The following METTL25B variants were observed in gnomAD, a reference collection of about 807,000 sequenced individuals.
The protein encoded by METTL25B is methyltransferase-like protein 25B.
A neutral mutation model predicts 48.4 loss-of-function variants in METTL25B; 38 were observed. The ratio of observed to expected loss-of-function variants is 0.78; its 90% confidence interval spans 0.61 to 1.03. The LOEUF (loss-of-function observed/expected upper bound fraction) is 1.03, where lower values mean the gene tolerates loss of function less well. Among genes scored for constraint, METTL25B ranks in the 50% least tolerant of loss-of-function variants. The pLI, the probability that METTL25B is intolerant of heterozygous loss-of-function variation, is 0.00. For missense variants in METTL25B, 537 were observed against 603.7 expected (o/e 0.89, Z 1.16); for synonymous variants, 230 against 254.5 (o/e 0.90, Z 0.92).
In METTL25B at chr1:156,736,821, A is replaced by C. The variant is rs1294672760; in HGVS notation, c.*68A>C. On this transcript the variant is annotated 3_prime_UTR_variant, in exon 8 of 8. Transcript: ENST00000368216. ...CCCAGAGAGCACAGTGGCAGAGTACATCTCATCCAGAGAAACAGCATCCTG... is the reference window on the plus strand; with the variant it reads ...CCCAGAGAGCACAGTGGCAGAGTACCTCTCATCCAGAGAAACAGCATCCTG... 5 of 1,497,620 alleles carry C rather than the reference A, an allele frequency of 3.3e-6. No homozygotes were observed. 92.8% of individuals were successfully genotyped at this position (1,497,620 alleles called of 1,614,324 possible).
chr1:156,736,538 C>A, intron 7 of METTL25B, 94 bp from the exon 8 acceptor site: 1 of 1,458,048 alleles, frequency 6.9e-7, no homozygotes, highest in Admixed American at 1.8e-5. Flanking sequence ...GATCCTCCCC[C>A]ATGGGGAAAA....
In METTL25B at chr1:156,734,023, C is replaced by A. The variant is rs1430953945; in HGVS notation, c.651C>A (p.Ser217Arg). The part of the protein sequence containing the change: ...EKRNPQVVQT[S>R]PRHSPHHVVR... ...TGCTTCCACAGGTGGTCCAAACCAGCCCTCGTCACTCCCCACACCACGTGG... is the reference window on the plus strand; with the variant it reads ...TGCTTCCACAGGTGGTCCAAACCAGACCTCGTCACTCCCCACACCACGTGG... Residue 217 changes from serine to arginine, a missense_variant, in exon 6 of 8, where the codon AGC becomes AGA. Coordinates refer to ENST00000368216, the MANE Select transcript of METTL25B (RefSeq NM_015997.4). 13 of 1,603,128 alleles carry A rather than the reference C, an allele frequency of 8.1e-6. No individual in the cohort carries two copies. The highest frequency in any genetic ancestry group is 1.3e-5 in the African/African-American group (1 of 74,730).
Position 156,732,890 on chromosome 1 carries a change from C to T in METTL25B, c.430-95C>T, listed in dbSNP as rs528928565. ...TCCAGGGCACCCTCTGTCCATCTTT[C>T]TCTGTCATCTTTGTCTCTTCCACTC... On this transcript the variant is annotated intron_variant, in intron 3 of 7. Transcript: ENST00000368216. 1.7e-5 allele frequency: 18 copies of T among 1,075,050 alleles called. No individual in the cohort carries two copies. The African/African-American group carries it at 2.2e-4, about 13-fold the overall frequency. The allele number at this position is 1,075,050 out of a possible 1,614,324, so 66.6% of individuals were successfully genotyped here. A position where few individuals can be genotyped will look rare whatever the true frequency, so the allele number is the denominator to read the frequency against.
intron 1 of METTL25B, among the ~76,000 whole-genome samples, chr1:156,729,906 G>T (rs1649114514): frequency 6.6e-6 from 1 of 152,180 alleles, no homozygotes; most frequent in South Asian, 2.1e-4. Context: ...CAAACCCAGA[G>T]GCCATCATTG....
chr1:156,732,955 C>G (rs750985704), intron 3 of METTL25B, 30 bp from the exon 4 acceptor site: 29 of 1,603,978 alleles, frequency 1.8e-5, no homozygotes, highest in Non-Finnish European at 2.2e-5. Flanking sequence ...TAACCAGTGG[C>G]TAGGAGACCT....
chr1:156,733,004 A>G lies in METTL25B; in HGVS notation c.449A>G (p.Asp150Gly), dbSNP rs889275667. 8.7e-6 allele frequency: 14 copies of G among 1,613,998 alleles called. No individual in the cohort carries two copies. Among genetic ancestry groups the G allele is most frequent in the Middle Eastern group, 1.6e-4 (1 of 6,084 alleles). Residue 150 changes from aspartate to glycine, a missense_variant, in exon 4 of 8, where the codon GAT becomes GGT. Transcript: ENST00000368216. Reference protein sequence around the residue: ...RLGELVKKLSDFTGCTQVVDV... With the variant: ...RLGELVKKLSGFTGCTQVVDV... The stretch of plus-strand genomic sequence containing the variant: ...TTTCAGTTGGTGAAGAAGCTGAGTG[A>G]TTTCACAGGCTGCACCCAGGTTGTA...
At position 156,735,740 on chromosome 1, in the gene METTL25B, G is replaced by T. The variant is rs1443949315; in HGVS notation, c.1137G>T (p.Gly379=). The T allele has an allele frequency of 6.2e-7, 1 of 1,610,332 alleles. No homozygotes were observed. The highest frequency in any genetic ancestry group is 8.5e-7 in the Non-Finnish European group (1 of 1,178,834). Residue 379 remains glycine, a synonymous_variant, in exon 7 of 8, where the codon GGG becomes GGT. Transcript: ENST00000368216. ...GATCCCACAGATATGTGCAGCGGGG[G>T]CTACAGCGAGTGGGGCTAGATCCCC... ...ELKIEEYVQR[G]LQRVGLDPQL...
chr1:156,730,019 C>T (rs1211769270), intron 1 of METTL25B, among the ~76,000 whole-genome samples: 2 of 152,204 alleles, frequency 1.3e-5, no homozygotes, highest in East Asian at 3.8e-4. Context: ...TCCCCACCTC[C>T]GTTGCTGCCA....
intron 1 of METTL25B, among the ~76,000 whole-genome samples, chr1:156,730,586 G>C (rs1649202254): frequency 6.7e-6 from 1 of 150,056 alleles, no homozygotes; most frequent in South Asian, 2.1e-4. Flanking sequence ...TAAAAAAATA[G>C]CTAGGCTTGG....
chr1:156,733,385 C>G lies in METTL25B; in HGVS notation c.501C>G (p.Leu167=). The change falls in exon 5 of 8, where the codon CTC becomes CTG. Residue 167 remains leucine, a synonymous_variant. Coordinates refer to ENST00000368216, the MANE Select transcript of METTL25B (RefSeq NM_015997.4). ...VVDVGSGQGH[L]SRFMALGLGL... ...CCTCCTCGTGACTCCAGGGCCATCTCTCCCGCTTCATGGCTCTTGGCCTGG... is the reference window on the plus strand; with the variant it reads ...CCTCCTCGTGACTCCAGGGCCATCTGTCCCGCTTCATGGCTCTTGGCCTGG... The G allele has an allele frequency of 3.1e-6, 5 of 1,614,150 alleles. No homozygotes were observed. The highest frequency in any genetic ancestry group is 4.2e-6 in the Non-Finnish European group (5 of 1,180,010).
Position 156,732,264 on chromosome 1 carries a change from C to G in METTL25B, c.237-17C>G. ...TGATGGGACTATTCACTGGAGGCCT[C>G]GGCTGGACTATCTCAGGTACAGGTC... On this transcript the variant is annotated splice_polypyrimidine_tract_variant and intron_variant, in intron 2 of 7. Coordinates refer to ENST00000368216, the MANE Select transcript of METTL25B (RefSeq NM_015997.4). The G allele has an allele frequency of 1.2e-6, 2 of 1,613,066 alleles. No individual in the cohort carries two copies. Among genetic ancestry groups the G allele is most frequent in the Non-Finnish European group, 8.5e-7 (1 of 1,179,098 alleles).
chr1:156,730,448 G>C (rs1649180486), intron 1 of METTL25B, among the ~76,000 whole-genome samples: 1 of 152,140 alleles, frequency 6.6e-6, no homozygotes, highest in African/African-American at 2.4e-5. Context: ...CTCAGGCCGG[G>C]TACGATGGCT....
At position 156,728,722 on chromosome 1, in the gene METTL25B, C is replaced by G. The variant is rs567569258; in HGVS notation, c.-383C>G. On this transcript the variant is annotated 5_prime_UTR_variant, in exon 1 of 8. Transcript: ENST00000368216. ...GGCCGCGATAAACCGGAACTGCAGC[C>G]CGCCGGACACCTCCGGCTTCACTTC... The G allele has an allele frequency of 7.0e-6, 7 of 997,746 alleles. No homozygotes were observed. Among genetic ancestry groups the G allele is most frequent in the Admixed American group, 6.1e-5 (1 of 16,504 alleles). 61.8% of individuals were successfully genotyped at this position (997,746 alleles called of 1,614,324 possible).
rs1437644106 is a variant in METTL25B, at chr1:156,734,329, C to T, written c.957C>T (p.Cys319=). The T allele has an allele frequency of 6.2e-7, 1 of 1,614,068 alleles. No individual in the cohort carries two copies. Among genetic ancestry groups the T allele is most frequent in the Admixed American group, 1.7e-5 (1 of 60,018 alleles). ...ELPYRLREGA[C]HALEEYAERL... is the part of the protein sequence containing the mutation. ...CCTACCGGCTTCGGGAGGGGGCCTGCCATGCCCTGGAGGAATATGCTGAGC... is the reference window on the plus strand; with the variant it reads ...CCTACCGGCTTCGGGAGGGGGCCTGTCATGCCCTGGAGGAATATGCTGAGC... Residue 319 remains cysteine, a synonymous_variant, in exon 6 of 8, where the codon TGC becomes TGT. Coordinates refer to ENST00000368216, the MANE Select transcript of METTL25B (RefSeq NM_015997.4).
At position 156,732,566 on chromosome 1, in the gene METTL25B, A is replaced by G. The variant is rs555488566; in HGVS notation, c.429+93A>G. 84 of 1,182,896 alleles carry G rather than the reference A, an allele frequency of 7.1e-5. No homozygotes were observed. The African/African-American group carries it at 1.1e-3, about 15-fold the overall frequency. 73.3% of individuals were successfully genotyped at this position (1,182,896 alleles called of 1,614,324 possible). A position where few individuals can be genotyped will look rare whatever the true frequency, so the allele number is the denominator to read the frequency against. On this transcript the variant is annotated intron_variant, in intron 3 of 7. Coordinates refer to ENST00000368216, the MANE Select transcript of METTL25B (RefSeq NM_015997.4). ...TATGTGTGCCCTTTACCTCACATGCAAGGCCAGAGGCCCTAGACATTCCTT... is the reference window on the plus strand; with the variant it reads ...TATGTGTGCCCTTTACCTCACATGCGAGGCCAGAGGCCCTAGACATTCCTT...
Position 156,728,470 on chromosome 1 carries a change from G to C in METTL25B, c.-635G>C. 7.1e-6 allele frequency: 7 copies of C among 985,710 alleles called. No homozygotes were observed. The highest frequency in any genetic ancestry group is 8.4e-6 in the Non-Finnish European group (7 of 829,982). The allele number at this position is 985,710 out of a possible 1,614,324, so 61.1% of individuals were successfully genotyped here. A position where few individuals can be genotyped will look rare whatever the true frequency, so the allele number is the denominator to read the frequency against. ...CGTCCGGAGCCGGATGCGGAAATCG[G>C]TGCGCGCCGACGAAGCCCGGGAAGG... On this transcript the variant is annotated 5_prime_UTR_variant, in exon 1 of 8. Coordinates refer to ENST00000368216, the MANE Select transcript of METTL25B (RefSeq NM_015997.4).
At chr1:156,733,699 ACTTT>A in intron 5 of METTL25B, 179 bp downstream of exon 5, 4 of 710,086 alleles carry the variant, frequency 5.6e-6, no homozygotes, top group Non-Finnish European at 9.1e-6. Context: ...TCTCAAAGTT[ACTTT>A]CTATTTACAA....
rs1194596977 is a variant in METTL25B, at chr1:156,732,285, A to G, written c.241A>G (p.Arg81Gly). ...GCCTCGGCTGGACTATCTCAGGTAC[A>G]GGTCAGTGTGGCCACTCACCCTGCT... ...MPGEGEVVRY[R>G]SVWPLTLLAL... Residue 81 changes from arginine to glycine, a missense_variant, in exon 3 of 8, where the codon AGG becomes GGG. Physicochemically the swap from Arg to Gly is moderately radical, Grantham distance 125. Transcript: ENST00000368216. The G allele has an allele frequency of 1.2e-6, 2 of 1,614,076 alleles. No individual in the cohort carries two copies. Among genetic ancestry groups the G allele is most frequent in the African/African-American group, 1.3e-5 (1 of 74,936 alleles).
chr1:156,734,516 G>A, intron 6 of METTL25B, 23 bp downstream of exon 6: 2 of 1,524,242 alleles, frequency 1.3e-6, no homozygotes, highest in Non-Finnish European at 8.8e-7. Context: ...GACGGGTGGG[G>A]GGCAGTGGAG....
Sources: allele counts gnomAD v4.1 joint callset (sites outside exome capture counted in the v4.1 genomes callset), GRCh38; gene constraint gnomAD v4.1.1; transcripts MANE v1.5; gene names NCBI Gene and HGNC (gene_info 2026-07-23, HGNC 2026-07-21).